Variants in TRAPPC9 observed in about 807,000 individuals in gnomAD.
TRAPPC9 encodes the protein trafficking protein particle complex subunit 9.
A neutral mutation model predicts 124.0 loss-of-function variants in TRAPPC9; 83 were observed. That is an observed-to-expected ratio of 0.67 (90% confidence interval 0.56 to 0.80). The LOEUF is 0.80. TRAPPC9 is among the 30% of genes least tolerant of loss of function. The pLI, the probability that TRAPPC9 is intolerant of heterozygous loss-of-function variation, is 0.00. For missense variants in TRAPPC9, 1,302 were observed against 1,508.3 expected (o/e 0.86, Z 2.27); for synonymous variants, 638 against 617.5 (o/e 1.03, Z -0.49).
intron 11 of TRAPPC9, among the ~76,000 whole-genome samples, chr8:140,295,473 G>A: frequency 6.6e-6 from 1 of 152,156 alleles, no homozygotes; most frequent in East Asian, 1.9e-4. Context: ...CGCTGCCTCT[G>A]GGGCAGCAGT....
chr8:140,427,385 A>T (rs890667633), intron 4 of TRAPPC9, among the ~76,000 whole-genome samples: 8 of 150,820 alleles, frequency 5.3e-5, no homozygotes, highest in South Asian at 4.2e-4. Flanking sequence ...TCTCTCACAC[A>T]CACACACACA....
intron 18 of TRAPPC9, among the ~76,000 whole-genome samples, chr8:139,991,365 G>C (rs1325538634): frequency 6.6e-6 from 1 of 152,130 alleles, no homozygotes; most frequent in Non-Finnish European, 1.5e-5. Context: ...GGGGGCGTCT[G>C]ATCTAGTGTT....
At chr8:139,892,890 C>T (rs972267402) in intron 20 of TRAPPC9, among the ~76,000 whole-genome samples, 6 of 152,344 alleles carry the variant, frequency 3.9e-5, no homozygotes, top group Admixed American at 3.9e-4. Flanking sequence ...CACTGGCACC[C>T]AGTCGTCTAT....
At chr8:140,185,427 G>A (rs1456020295) in intron 17 of TRAPPC9, among the ~76,000 whole-genome samples, 4 of 152,226 alleles carry the variant, frequency 2.6e-5, no homozygotes, top group African/African-American at 9.6e-5. Flanking sequence ...GTGGAAGTGC[G>A]TTTCTCTCTC....
At chr8:139,885,819 T>G in intron 21 of TRAPPC9, 60 bp downstream of exon 21, 3 of 1,498,204 alleles carry the variant, frequency 2.0e-6, no homozygotes, top group Non-Finnish European at 2.7e-6. Flanking sequence ...ACCTTGCTCG[T>G]GCATTTGGAG....
At chr8:140,259,582 T>C (rs998250895) in intron 15 of TRAPPC9, among the ~76,000 whole-genome samples, 6 of 152,226 alleles carry the variant, frequency 3.9e-5, no homozygotes, top group Admixed American at 2.0e-4. Flanking sequence ...AATCAACAAG[T>C]TGACGGAAGT....
intron 17 of TRAPPC9, chr8:140,098,889 C>A (rs1251749898): frequency 6.6e-6 from 1 of 151,678 alleles, no homozygotes; most frequent in Non-Finnish European, 1.5e-5. Context: ...CCGCCCAGAT[C>A]CTCCGCAGCC....
chr8:140,183,161 A>G (rs2062245930), intron 17 of TRAPPC9, among the ~76,000 whole-genome samples: 1 of 152,226 alleles, frequency 6.6e-6, no homozygotes, highest in Admixed American at 6.5e-5. Flanking sequence ...ACATTTGCTG[A>G]GTCTACTAGG....
At chr8:139,778,178 C>T (rs1306970173) in intron 21 of TRAPPC9, among the ~76,000 whole-genome samples, 1 of 152,150 alleles carries the variant, frequency 6.6e-6, no homozygotes, top group African/African-American at 2.4e-5. Flanking sequence ...CACACACACA[C>T]ACCCATCAGA....
intron 19 of TRAPPC9, among the ~76,000 whole-genome samples, chr8:139,969,607 C>G (rs1012473550): frequency 2.0e-5 from 3 of 152,324 alleles, no homozygotes; most frequent in African/African-American, 7.2e-5. Context: ...GGCACATCTG[C>G]AAACCTGCAG....
intron 17 of TRAPPC9, among the ~76,000 whole-genome samples, chr8:140,208,720 G>A (rs2062986537): frequency 6.6e-6 from 1 of 152,194 alleles, no homozygotes; most frequent in African/African-American, 2.4e-5. Flanking sequence ...AGGTTCCTGT[G>A]GTATCCCACT....
intron 3 of TRAPPC9, 23 bp downstream of exon 3, chr8:140,439,029 T>C (rs750884666): frequency 1.2e-6 from 2 of 1,613,868 alleles, no homozygotes; most frequent in Admixed American, 3.3e-5. Context: ...ACATATCAGA[T>C]CATCTTCATC....
In TRAPPC9 at chr8:140,451,317, C is replaced by T. The variant is rs1242565104; in HGVS notation, c.57G>A (p.Val19=). The stretch of plus-strand genomic sequence containing the variant: ...CGGAGACGATGCCCACAGGCTGGAC[C>T]ACCACGAGCAGCGTCTGGTGGTCCT... ...CAEDHQTLLV[V]VQPVGIVSEE... is the part of the protein sequence containing the mutation. Residue 19 remains valine, a synonymous_variant, in exon 2 of 23, where the codon GTG becomes GTA. Transcript: ENST00000438773. 3 of 1,607,588 alleles carry T rather than the reference C, an allele frequency of 1.9e-6. No individual in the cohort carries two copies. The African/African-American group carries it at 4.0e-5, about 21-fold the overall frequency.
intron 17 of TRAPPC9, among the ~76,000 whole-genome samples, chr8:140,074,408 T>C (rs1432060917): frequency 6.6e-6 from 1 of 152,190 alleles, no homozygotes; most frequent in Non-Finnish European, 1.5e-5. Context: ...GTGCATCCCC[T>C]TCCAGCTTTT....
At chr8:139,944,841 C>A (rs573057159) in intron 19 of TRAPPC9, among the ~76,000 whole-genome samples, 1 of 152,046 alleles carries the variant, frequency 6.6e-6, no homozygotes, top group African/African-American at 2.4e-5. Context: ...TAAAAAAGCA[C>A]GCCAGCCATG....
chr8:140,093,643 G>A (rs142717803), intron 17 of TRAPPC9, among the ~76,000 whole-genome samples: 2,431 of 150,258 alleles, frequency 0.016, 72 homozygotes, highest in African/African-American at 0.056. Context: ...ACTCCAGCCT[G>A]GGCGAGAGAG....
At chr8:139,942,108 A>G (rs34995446) in intron 19 of TRAPPC9, among the ~76,000 whole-genome samples, 4,056 of 152,292 alleles carry the variant, frequency 0.027, 66 homozygotes, top group South Asian at 0.046. Flanking sequence ...TGATTTGTGA[A>G]CACTGAACTG....
intron 18 of TRAPPC9, among the ~76,000 whole-genome samples, chr8:140,008,288 T>C (rs534143204): frequency 1.1e-4 from 17 of 152,328 alleles, no homozygotes; most frequent in Non-Finnish European, 2.4e-4. Flanking sequence ...CAGTTTGTTC[T>C]CCAGCCTCCT....
chr8:140,016,839 T>C (rs1251152798), intron 18 of TRAPPC9, among the ~76,000 whole-genome samples: 1 of 152,192 alleles, frequency 6.6e-6, no homozygotes, highest in Non-Finnish European at 1.5e-5. Context: ...TGGGGAGGAA[T>C]ATGTTTTAAT....
Sources: allele counts gnomAD v4.1 joint callset (sites outside exome capture counted in the v4.1 genomes callset), GRCh38; gene constraint gnomAD v4.1.1; transcripts MANE v1.5; gene names NCBI Gene and HGNC (gene_info 2026-07-23, HGNC 2026-07-21).